CERS6: variants seen among roughly 807,000 people sequenced by gnomAD.
CERS6 encodes ceramide synthase 6, also known as LAG1 homolog, ceramide synthase 6.
Under a neutral mutation model 56.8 loss-of-function variants are expected in CERS6, and 26 were observed. The observed-to-expected ratio is 0.46, with a 90% CI of 0.34 to 0.63. CERS6 has a LOEUF of 0.63. Among genes scored for constraint, CERS6 ranks in the 30% least tolerant of loss-of-function variants. The pLI is 0.01. For synonymous variants in CERS6, 164 were observed against 173.3 expected (o/e 0.95, Z 0.42); for missense variants, 415 against 467.5 (o/e 0.89, Z 1.04).
chr2:168,692,080 T>C (rs1359968832), intron 5 of CERS6, among the ~76,000 whole-genome samples: 1 of 152,188 alleles, frequency 6.6e-6, no homozygotes, highest in Non-Finnish European at 1.5e-5. Context: ...TGAATTGGAA[T>C]TCCAATTGGC....
intron 3 of CERS6, among the ~76,000 whole-genome samples, chr2:168,569,428 C>T (rs1695941393): frequency 6.6e-6 from 1 of 152,186 alleles, no homozygotes; most frequent in African/African-American, 2.4e-5. Flanking sequence ...GGAGGAAGAT[C>T]TGAAATCAGA....
chr2:168,726,111 G>A (rs991113108), intron 8 of CERS6, among the ~76,000 whole-genome samples: 2 of 152,196 alleles, frequency 1.3e-5, no homozygotes, highest in African/African-American at 4.8e-5. Flanking sequence ...TATTTGTTAA[G>A]TGAATTAGGT....
At chr2:168,675,991 A>G (rs1490324037) in intron 4 of CERS6, among the ~76,000 whole-genome samples, 1 of 152,102 alleles carries the variant, frequency 6.6e-6, no homozygotes, top group Non-Finnish European at 1.5e-5. Context: ...GGCCAAAATA[A>G]CCATTTTCTA....
intron 1 of CERS6, among the ~76,000 whole-genome samples, chr2:168,503,165 A>G (rs1424819563): frequency 6.6e-6 from 1 of 152,070 alleles, no homozygotes; most frequent in Non-Finnish European, 1.5e-5. Context: ...CTCGCCTGCC[A>G]CCATGTAAGA....
intron 1 of CERS6, among the ~76,000 whole-genome samples, chr2:168,474,448 C>G (rs542200434): frequency 4.9e-4 from 74 of 152,300 alleles, no homozygotes; most frequent in African/African-American, 1.7e-3. Context: ...ATTGACATCC[C>G]TACCAACGCA....
At chr2:168,689,701 A>G (rs1002253231) in intron 4 of CERS6, among the ~76,000 whole-genome samples, 11 of 152,200 alleles carry the variant, frequency 7.2e-5, no homozygotes, top group Admixed American at 1.3e-4. Flanking sequence ...TGATACAGAC[A>G]GTGTTGAACA....
chr2:168,772,715 A>G lies in CERS6; in HGVS notation c.*3053A>G, dbSNP rs748347087. Reference sequence around the variant, plus strand: ...TATGGATGTTGAGCATAGGGAAGCAACTCTCAGTATTTTGGATTATTCAAG... The same window carrying G: ...TATGGATGTTGAGCATAGGGAAGCAGCTCTCAGTATTTTGGATTATTCAAG... On this transcript the variant is annotated 3_prime_UTR_variant, in exon 10 of 10. Transcript: ENST00000305747. The G allele has an allele frequency of 6.6e-6, 1 of 152,526 alleles. No homozygotes were observed. Among genetic ancestry groups the G allele is most frequent in the Non-Finnish European group, 1.5e-5 (1 of 68,030 alleles). The allele number at this position is 152,526 out of a possible 1,614,324, so 9.4% of individuals were successfully genotyped here.
intron 6 of CERS6, among the ~76,000 whole-genome samples, chr2:168,710,819 A>G (rs1010823837): frequency 6.6e-6 from 1 of 152,222 alleles, no homozygotes; most frequent in Non-Finnish European, 1.5e-5. Flanking sequence ...AACTCAGAGT[A>G]TGGTCATCAT....
At chr2:168,636,056 G>A (rs1025685578) in intron 4 of CERS6, among the ~76,000 whole-genome samples, 4 of 152,028 alleles carry the variant, frequency 2.6e-5, no homozygotes, top group African/African-American at 9.7e-5. Flanking sequence ...AAATTGCTTG[G>A]ACTATGTTGC....
intron 8 of CERS6, among the ~76,000 whole-genome samples, 164 bp from the exon 9 acceptor site, chr2:168,765,428 C>A (rs1684703999): frequency 6.6e-6 from 1 of 152,174 alleles, no homozygotes; most frequent in African/African-American, 2.4e-5. Context: ...GGTAATTCTT[C>A]AGGAAATGAC....
At chr2:168,745,485 C>T (rs1210239813) in intron 8 of CERS6, among the ~76,000 whole-genome samples, 3 of 152,096 alleles carry the variant, frequency 2.0e-5, no homozygotes, top group African/African-American at 7.2e-5. Context: ...TTGTGATCCG[C>T]CCATCTCGGC....
intron 4 of CERS6, among the ~76,000 whole-genome samples, chr2:168,635,550 G>T (rs1684843765): frequency 6.6e-6 from 1 of 152,176 alleles, no homozygotes; most frequent in Non-Finnish European, 1.5e-5. Context: ...CAGAAGTGCG[G>T]CTTGCACAGT....
chr2:168,768,117 G>A (rs900180750), intron 9 of CERS6, among the ~76,000 whole-genome samples: 8 of 152,094 alleles, frequency 5.3e-5, no homozygotes, highest in African/African-American at 1.9e-4. Flanking sequence ...ATCGTTTATG[G>A]TAATGTATAG....
At chr2:168,504,690 C>A (rs187151055) in intron 1 of CERS6, among the ~76,000 whole-genome samples, 2 of 152,168 alleles carry the variant, frequency 1.3e-5, no homozygotes, top group African/African-American at 4.8e-5. Context: ...GTTAATGGCT[C>A]TTAGGTCTTG....
chr2:168,721,569 T>TAAAC (rs1381972673), intron 8 of CERS6, among the ~76,000 whole-genome samples: 1 of 130,710 alleles, frequency 7.7e-6, no homozygotes, highest in African/African-American at 2.9e-5. Flanking sequence ...TTTTTTTGTT[T>TAAAC]AAAAAAAACC....
rs1200999257 is a variant in CERS6 at position 168,649,863 on chromosome 2, AG to A, written c.465+18824del. Among the ~76,000 whole-genome samples, 5 of 152,004 alleles carry A rather than the reference AG, an allele frequency of 3.3e-5. 1 individual carries two copies. Among genetic ancestry groups the A allele is most frequent in the Admixed American group, 1.3e-4 (2 of 15,256 alleles). ...AAGAGTCTGTGACTGTACTTGTCAC[AG>A]GGTTCCCTATTTGCTTCCCCAAACT... On this transcript the variant is annotated intron_variant, in intron 4 of 9. Coordinates refer to ENST00000305747, the MANE Select transcript of CERS6 (RefSeq NM_203463.3).
At chr2:168,603,523 A>G (rs1683982506) in intron 3 of CERS6, among the ~76,000 whole-genome samples, 1 of 152,234 alleles carries the variant, frequency 6.6e-6, no homozygotes, top group African/African-American at 2.4e-5. Flanking sequence ...AGAGATTTTA[A>G]TGTTCATGAT....
At chr2:168,653,067 G>A (rs1293437724) in intron 4 of CERS6, among the ~76,000 whole-genome samples, 1 of 152,216 alleles carries the variant, frequency 6.6e-6, no homozygotes, top group Non-Finnish European at 1.5e-5. Context: ...AGGTAGCTGG[G>A]CAATAGTCTT....
chr2:168,656,015 G>A (rs181914568), intron 4 of CERS6, among the ~76,000 whole-genome samples: 40 of 152,190 alleles, frequency 2.6e-4, no homozygotes, highest in South Asian at 1.9e-3. Context: ...AAATAAATAC[G>A]GATAGTATGC....
Sources: gnomAD v4.1 joint callset for allele counts (sites outside exome capture counted in the v4.1 genomes callset) on GRCh38, gnomAD v4.1.1 for gene constraint, MANE v1.5 for transcripts, NCBI Gene and HGNC (gene_info 2026-07-23, HGNC 2026-07-21) for gene names.